Variants in TMEM108 observed in about 807,000 individuals in gnomAD.
TMEM108 encodes cancer/testis antigen 124.
A neutral mutation model predicts 35.1 loss-of-function variants in TMEM108; 12 were observed. That is an observed-to-expected ratio of 0.34 (90% CI 0.22 to 0.55). The LOEUF (loss-of-function observed/expected upper bound fraction) is 0.55, where lower values mean the gene tolerates loss of function less well. Ranked by LOEUF, TMEM108 falls within the 20% of genes least tolerant of loss-of-function variation. The pLI is 0.89. For missense variants in TMEM108, 680 were observed against 753.3 expected, an observed-to-expected ratio of 0.90 and a Z score of 1.14; for synonymous variants, 287 against 308.6, an observed-to-expected ratio of 0.93 and a Z score of 0.73.
At chr3:133,266,322 T>G (rs1211483314) in intron 3 of TMEM108, among the ~76,000 whole-genome samples, 1 of 152,188 alleles carries the variant, frequency 6.6e-6, no homozygotes, top group Non-Finnish European at 1.5e-5. Context: ...ACCTATAGAA[T>G]TCAAATATGC....
At chr3:133,062,616 C>T (rs1217445685) in intron 2 of TMEM108, among the ~76,000 whole-genome samples, 2 of 152,172 alleles carry the variant, frequency 1.3e-5, no homozygotes, top group Non-Finnish European at 2.9e-5. Flanking sequence ...TGTATTTACA[C>T]ATAATTAAAT....
At chr3:133,282,166 T>C (rs972399615) in intron 3 of TMEM108, among the ~76,000 whole-genome samples, 1 of 152,024 alleles carries the variant, frequency 6.6e-6, no homozygotes. Flanking sequence ...CAAAAAAAAA[T>C]AAATAAAATA....
chr3:133,254,490 A>G (rs1946516543), intron 3 of TMEM108, among the ~76,000 whole-genome samples: 1 of 152,212 alleles, frequency 6.6e-6, no homozygotes, highest in Non-Finnish European at 1.5e-5. Context: ...TGGTAGGAAA[A>G]TGTTCTCAAC....
intron 2 of TMEM108, among the ~76,000 whole-genome samples, chr3:133,222,335 G>A (rs1395137108): frequency 6.6e-6 from 1 of 151,952 alleles, no homozygotes; most frequent in Non-Finnish European, 1.5e-5. Flanking sequence ...GCTGCTTTCA[G>A]GACCCAACAG....
intron 2 of TMEM108, among the ~76,000 whole-genome samples, chr3:133,195,176 G>T (rs143766964): frequency 0.017 from 2,612 of 152,110 alleles, 99 homozygotes; most frequent in African/African-American, 0.059. Context: ...TTATAATTTA[G>T]AGGATACTTC....
At chr3:133,370,649 G>T (rs2072632050) in intron 3 of TMEM108, among the ~76,000 whole-genome samples, 1 of 152,136 alleles carries the variant, frequency 6.6e-6, no homozygotes, top group Non-Finnish European at 1.5e-5. Flanking sequence ...TATTTTATCA[G>T]AGGCTGAGTT....
At chr3:133,192,775 G>C (rs1186534449) in intron 2 of TMEM108, 1 of 152,490 alleles carries the variant, frequency 6.6e-6, no homozygotes, top group Non-Finnish European at 1.5e-5. Flanking sequence ...GGAGGAAGCG[G>C]GTGAGGCGGC....
intron 2 of TMEM108, among the ~76,000 whole-genome samples, chr3:133,097,458 G>A (rs570353932): frequency 5.3e-4 from 80 of 152,220 alleles, no homozygotes; most frequent in Non-Finnish European, 8.4e-4. Flanking sequence ...AACCCAACCT[G>A]GGCACGTTTC....
Position 133,260,699 on chromosome 3 carries a change from A to T in TMEM108, c.40+31348A>T, listed in dbSNP as rs548320837. On this transcript the variant is annotated intron_variant, in intron 3 of 5. Transcript: ENST00000321871. ...ACAGATAAATAACATGATATTCTTT[A>T]TGTCTTGAAAAGATACCTGACTGCT... Among the ~76,000 whole-genome samples, 14 of 152,328 alleles carry T rather than the reference A, an allele frequency of 9.2e-5. No individual in the cohort carries two copies. The East Asian group carries it at 2.7e-3, about 29-fold the overall frequency.
intron 3 of TMEM108, among the ~76,000 whole-genome samples, chr3:133,347,394 T>G (rs1317154421): frequency 6.6e-6 from 1 of 152,118 alleles, no homozygotes; most frequent in Non-Finnish European, 1.5e-5. Flanking sequence ...TTCCTTCCTT[T>G]TTTCTTTTTG....
chr3:133,258,527 T>G (rs1392800017), intron 3 of TMEM108, among the ~76,000 whole-genome samples: 1 of 152,158 alleles, frequency 6.6e-6, no homozygotes, highest in Non-Finnish European at 1.5e-5. Flanking sequence ...TGTTTGTGTC[T>G]CACATCCTTA....
intron 2 of TMEM108, among the ~76,000 whole-genome samples, chr3:133,096,160 T>C (rs1299164227): frequency 6.6e-6 from 1 of 152,010 alleles, no homozygotes; most frequent in Non-Finnish European, 1.5e-5. Context: ...GCAGTGGTGG[T>C]TTTTGTTTGG....
At chr3:133,099,066 T>G (rs1284461512) in intron 2 of TMEM108, among the ~76,000 whole-genome samples, 1 of 152,242 alleles carries the variant, frequency 6.6e-6, no homozygotes, top group Non-Finnish European at 1.5e-5. Context: ...GCCCCACCCC[T>G]GCAGCAAACT....
chr3:133,141,555 G>A (rs920631295), intron 2 of TMEM108, among the ~76,000 whole-genome samples: 9 of 152,112 alleles, frequency 5.9e-5, no homozygotes, highest in African/African-American at 2.2e-4. Flanking sequence ...GATAAGTAAG[G>A]TGGGATGAGC....
At chr3:133,095,763 G>A (rs116349907) in intron 2 of TMEM108, among the ~76,000 whole-genome samples, 4,668 of 152,264 alleles carry the variant, frequency 0.031, 128 homozygotes, top group South Asian at 0.064. Flanking sequence ...TAATGAGAGT[G>A]ATGGGGAGCA....
At chr3:133,097,873 T>G (rs994938430) in intron 2 of TMEM108, among the ~76,000 whole-genome samples, 5 of 152,164 alleles carry the variant, frequency 3.3e-5, no homozygotes, top group Non-Finnish European at 5.9e-5. Context: ...GAATGCAAAA[T>G]GTAGGAAAAT....
intron 2 of TMEM108, among the ~76,000 whole-genome samples, chr3:133,130,258 G>A (rs1162294063): frequency 6.6e-6 from 1 of 152,178 alleles, no homozygotes; most frequent in Non-Finnish European, 1.5e-5. Context: ...AATTGGTGCT[G>A]CATAACAAAC....
At chr3:133,049,882 G>A (rs1364299624) in intron 2 of TMEM108, among the ~76,000 whole-genome samples, 2 of 152,114 alleles carry the variant, frequency 1.3e-5, no homozygotes, top group African/African-American at 4.8e-5. Context: ...TGTTTCATAA[G>A]AGGGTATTAA....
chr3:133,056,278 C>T (rs764316150), intron 2 of TMEM108, among the ~76,000 whole-genome samples: 9 of 152,262 alleles, frequency 5.9e-5, no homozygotes, highest in Non-Finnish European at 8.8e-5. Flanking sequence ...TCCTTGGTCC[C>T]GTTCTCTCCT....
Sources: allele counts gnomAD v4.1 joint callset (sites outside exome capture counted in the v4.1 genomes callset), GRCh38; gene constraint gnomAD v4.1.1; transcripts MANE v1.5; gene names NCBI Gene and HGNC (gene_info 2026-07-23, HGNC 2026-07-21).